Variants in GKAP1 observed in about 807,000 individuals in gnomAD.
GKAP1 encodes G kinase-anchoring protein 1.
Under a neutral mutation model 56.7 loss-of-function variants are expected in GKAP1, and 31 were observed. The ratio of observed to expected loss-of-function variants is 0.55; its 90% CI spans 0.41 to 0.74. The LOEUF (loss-of-function observed/expected upper bound fraction) is 0.74, where lower values mean the gene tolerates loss of function less well. Ranked by LOEUF, GKAP1 falls within the 30% of genes least tolerant of loss-of-function variation. GKAP1 has a pLI of 0.00. For missense variants in GKAP1, 364 were observed against 402.3 expected, an observed-to-expected ratio of 0.90 and a Z score of 0.82; for synonymous variants, 151 against 138.6, an observed-to-expected ratio of 1.09 and a Z score of -0.63.
rs1451197767 is a variant in GKAP1 at position 83,779,446 on chromosome 9, T to TACAC, written c.585+935_585+936insGTGT. On this transcript the variant is annotated intron_variant, in intron 7 of 12. Coordinates refer to ENST00000376371, the MANE Select transcript of GKAP1 (RefSeq NM_025211.4). ...GAAGCCATATATATATATATATATA[T>TACAC]ATACACACACACACACACGCACATA... Among the ~76,000 whole-genome samples, 67 of 118,026 alleles carry TACAC rather than the reference T, an allele frequency of 5.7e-4. 2 individuals carry two copies. The highest frequency in any genetic ancestry group is 4.4e-3 in the Middle Eastern group (1 of 226). The allele number at this position is 118,026 out of a possible 152,430, so 77.4% of individuals were successfully genotyped here. A position where few individuals can be genotyped will look rare whatever the true frequency, so the allele number is the denominator to read the frequency against.
chr9:83,793,229 C>T (rs1944191783), intron 4 of GKAP1, among the ~76,000 whole-genome samples: 1 of 152,186 alleles, frequency 6.6e-6, no homozygotes, highest in Non-Finnish European at 1.5e-5. Flanking sequence ...CTTCAATTCT[C>T]ATAGGCAACA....
At chr9:83,748,542 A>G in intron 9 of GKAP1, 170 bp from the exon 10 acceptor site, 1 of 441,746 alleles carries the variant, frequency 2.3e-6, no homozygotes, top group South Asian at 3.6e-5. Flanking sequence ...ACTTAAATTA[A>G]GTCCCTGGCA....
At chr9:83,777,881 G>C (rs1943889691) in intron 7 of GKAP1, among the ~76,000 whole-genome samples, 1 of 152,090 alleles carries the variant, frequency 6.6e-6, no homozygotes, top group African/African-American at 2.4e-5. Context: ...TGGAAAAAAA[G>C]ATCTTCTAAA....
At position 83,799,244 on chromosome 9, in the gene GKAP1, G is replaced by C. The variant is rs1457466723; in HGVS notation, c.301C>G (p.Pro101Ala). The change falls in exon 4 of 13, where the codon CCA becomes GCA. Residue 101 changes from proline (P) to alanine (A), a missense_variant. Transcript: ENST00000376371. The stretch of plus-strand genomic sequence containing the variant: ...TCTTCTCGTGAATCCTTCTGTACTG[G>C]GTTTGACAATGGAAGATCATGTTGA... ...NAQHDLPLSNPVQKDSREENW... is the reference protein window; with the variant it reads ...NAQHDLPLSNAVQKDSREENW... The C allele has an allele frequency of 1.2e-6, 2 of 1,610,416 alleles. No individual in the cohort carries two copies. The highest frequency in any genetic ancestry group is 1.7e-6 in the Non-Finnish European group (2 of 1,178,710).
At chr9:83,762,400 A>C (rs186669199) in intron 8 of GKAP1, among the ~76,000 whole-genome samples, 41 of 152,310 alleles carry the variant, frequency 2.7e-4, no homozygotes, top group African/African-American at 9.6e-4. Context: ...ACAAAACTGA[A>C]GAAGAGATGA....
At chr9:83,784,191 G>A (rs539995806) in intron 6 of GKAP1, among the ~76,000 whole-genome samples, 7 of 151,790 alleles carry the variant, frequency 4.6e-5, no homozygotes, top group East Asian at 1.9e-4. Context: ...TGCTTGAGTC[G>A]TGGAGGCGGA....
intron 9 of GKAP1, among the ~76,000 whole-genome samples, chr9:83,752,566 T>G (rs1309577005): frequency 6.6e-6 from 1 of 152,056 alleles, no homozygotes; most frequent in South Asian, 2.1e-4. Context: ...AAAATGAGAA[T>G]GGGGAGTTCT....
chr9:83,760,733 T>A (rs1391252585), intron 8 of GKAP1, among the ~76,000 whole-genome samples: 1 of 151,976 alleles, frequency 6.6e-6, no homozygotes, highest in Non-Finnish European at 1.5e-5. Flanking sequence ...ACTATACAAA[T>A]ACATGGAAAT....
chr9:83,740,094 T>C (rs955229733), intron 12 of GKAP1, among the ~76,000 whole-genome samples: 9 of 152,206 alleles, frequency 5.9e-5, no homozygotes, highest in Non-Finnish European at 1.0e-4. Flanking sequence ...TTGTTCCATA[T>C]GATCAGCAAA....
intron 9 of GKAP1, among the ~76,000 whole-genome samples, chr9:83,750,310 A>C (rs1020569648): frequency 6.8e-6 from 1 of 147,254 alleles, no homozygotes; most frequent in African/African-American, 2.7e-5. Flanking sequence ...ATTTCATGAC[A>C]GACAGCATAC....
rs1386502461 is a variant in GKAP1, at chr9:83,784,701, T to C, written c.562+14A>G. ...AATAGTTCTTTTAGCATAATAGCAT[T>C]GTATATACATTACCTTCCGAATGAA... On this transcript the variant is annotated intron_variant, in intron 6 of 12. Coordinates refer to ENST00000376371, the MANE Select transcript of GKAP1 (RefSeq NM_025211.4). 2.7e-5 allele frequency: 42 copies of C among 1,542,976 alleles called. No homozygotes were observed. Among genetic ancestry groups the C allele is most frequent in the Non-Finnish European group, 3.6e-5 (41 of 1,142,160 alleles).
At chr9:83,808,487 C>T (rs754707205) in intron 2 of GKAP1, among the ~76,000 whole-genome samples, 6 of 152,238 alleles carry the variant, frequency 3.9e-5, no homozygotes, top group South Asian at 2.1e-4. Flanking sequence ...ATCCCAGCTA[C>T]TCCAGAGGCT....
intron 12 of GKAP1, among the ~76,000 whole-genome samples, chr9:83,740,853 T>C (rs574182454): frequency 1.4e-4 from 21 of 152,210 alleles, no homozygotes; most frequent in African/African-American, 4.8e-4. Context: ...TTTCTGACTA[T>C]AATAACCATT....
chr9:83,792,967 G>A (rs1944186806), intron 4 of GKAP1: 2 of 1,262,058 alleles, frequency 1.6e-6, no homozygotes, highest in Non-Finnish European at 2.1e-6. Flanking sequence ...CCAAGATGGA[G>A]TACTTCAGAT....
intron 7 of GKAP1, among the ~76,000 whole-genome samples, chr9:83,771,429 C>T (rs888867246): frequency 2.0e-5 from 3 of 152,124 alleles, no homozygotes; most frequent in African/African-American, 7.2e-5. Flanking sequence ...TGTGGGCAAA[C>T]GACCCCAAGG....
At chr9:83,799,074 C>T (rs912105515) in intron 4 of GKAP1, 111 bp downstream of exon 4, 24 of 851,028 alleles carry the variant, frequency 2.8e-5, no homozygotes, top group Non-Finnish European at 4.5e-5. Context: ...ATGAATTAAT[C>T]CAATACAAAT....
At chr9:83,779,520 T>TAC (rs1314259154) in intron 7 of GKAP1, among the ~76,000 whole-genome samples, 1 of 131,272 alleles carries the variant, frequency 7.6e-6, no homozygotes, top group African/African-American at 2.9e-5. Flanking sequence ...TGTATATATA[T>TAC]ACACGTGTAT....
Position 83,791,386 on chromosome 9 carries a change from G to A in GKAP1, c.361-2708C>T, listed in dbSNP as rs539995672. On this transcript the variant is annotated intron_variant, in intron 4 of 12. Coordinates refer to ENST00000376371, the MANE Select transcript of GKAP1 (RefSeq NM_025211.4). ...CCACTGCACCCTAGCCTGGGCGACA[G>A]AGCGAGACTCCGTCTCAAAAAAAAA... 4.8e-4 allele frequency among the ~76,000 whole-genome samples: 72 copies of A among 149,104 alleles called. 1 individual carries two copies. The highest frequency in any genetic ancestry group is 4.4e-3 in the Admixed American group (64 of 14,596).
At chr9:83,749,467 T>C (rs900742059) in intron 9 of GKAP1, among the ~76,000 whole-genome samples, 4 of 152,182 alleles carry the variant, frequency 2.6e-5, no homozygotes, top group East Asian at 3.8e-4. Flanking sequence ...CCTCAAGTGA[T>C]CAACCCGCCT....
Sources: gnomAD v4.1 joint callset for allele counts (sites outside exome capture counted in the v4.1 genomes callset) on GRCh38, gnomAD v4.1.1 for gene constraint, MANE v1.5 for transcripts, NCBI Gene and HGNC (gene_info 2026-07-23, HGNC 2026-07-21) for gene names.